Variants in RGS13 observed in about 807,000 individuals in gnomAD.
RGS13 encodes regulator of G-protein signalling 13.
In RGS13, 14 loss-of-function variants were observed where a neutral mutation model predicts 19.9. That is an observed-to-expected ratio of 0.70 (90% CI 0.46 to 1.10). The LOEUF (loss-of-function observed/expected upper bound fraction) is 1.10, where lower values mean the gene tolerates loss of function less well. Ranked by LOEUF, RGS13 falls within the 50% of genes least tolerant of loss-of-function variation. The pLI is 0.00. For missense variants in RGS13, 205 were observed against 187.1 expected (o/e 1.10, Z -0.56); for synonymous variants, 60 against 56.8 (o/e 1.06, Z -0.25).
At chr1:192,640,740 T>C (rs1490990751) in intron 3 of RGS13, among the ~76,000 whole-genome samples, 1 of 152,106 alleles carries the variant, frequency 6.6e-6, no homozygotes, top group Non-Finnish European at 1.5e-5. Flanking sequence ...TATGTTCTTA[T>C]CTCCAAACCT....
At chr1:192,654,897 T>C (rs1663407680) in intron 5 of RGS13, among the ~76,000 whole-genome samples, 1 of 151,994 alleles carries the variant, frequency 6.6e-6, no homozygotes, top group Non-Finnish European at 1.5e-5. Context: ...ACATAAGCCA[T>C]TTCTTCCATC....
intron 5 of RGS13, among the ~76,000 whole-genome samples, chr1:192,652,022 C>T (rs528836664): frequency 3.3e-5 from 5 of 152,152 alleles, no homozygotes; most frequent in African/African-American, 7.2e-5. Context: ...CCAGCACACA[C>T]GCAGAGCAGA....
rs968936819 is a variant in RGS13, at chr1:192,640,171, T to C, written c.-5+1968T>C. 4.6e-5 allele frequency among the ~76,000 whole-genome samples: 7 copies of C among 152,128 alleles called. 1 individual carries two copies. In the South Asian group the frequency reaches 6.2e-4, roughly 13 times the overall value. The stretch of plus-strand genomic sequence containing the variant: ...GAAGACATGTGAAGGAAGTAAATTT[T>C]TTCCTATCCTCCTACTTAGAAGATA... On this transcript the variant is annotated intron_variant, in intron 3 of 6. Transcript: ENST00000391995.
chr1:192,656,075 C>A (rs951956693), intron 5 of RGS13, among the ~76,000 whole-genome samples: 1 of 152,030 alleles, frequency 6.6e-6, no homozygotes, highest in Non-Finnish European at 1.5e-5. Context: ...AAATGATAAC[C>A]TATAAACATT....
intron 3 of RGS13, among the ~76,000 whole-genome samples, chr1:192,640,584 C>T (rs748732062): frequency 3.9e-5 from 6 of 152,122 alleles, no homozygotes; most frequent in Non-Finnish European, 2.9e-5. Flanking sequence ...TATTTGCAAT[C>T]GGAAGAGTCC....
At chr1:192,636,736 C>A (rs1663024524) in intron 1 of RGS13, among the ~76,000 whole-genome samples, 1 of 151,794 alleles carries the variant, frequency 6.6e-6, no homozygotes, top group Non-Finnish European at 1.5e-5. Context: ...GTACTGAAGC[C>A]AGGTGTGGAT....
intron 5 of RGS13, among the ~76,000 whole-genome samples, chr1:192,655,086 A>G (rs1036043614): frequency 2.0e-5 from 3 of 152,106 alleles, no homozygotes; most frequent in African/African-American, 7.2e-5. Flanking sequence ...GTATGAATCA[A>G]TCGAAATTCT....
At chr1:192,655,788 A>G (rs1245673847) in intron 5 of RGS13, among the ~76,000 whole-genome samples, 1 of 152,112 alleles carries the variant, frequency 6.6e-6, no homozygotes, top group Non-Finnish European at 1.5e-5. Flanking sequence ...TGCAGTATAT[A>G]TAGAATAATA....
chr1:192,655,603 C>T (rs1408454934), intron 5 of RGS13, among the ~76,000 whole-genome samples: 23 of 151,964 alleles, frequency 1.5e-4, no homozygotes, highest in Admixed American at 1.5e-3. Flanking sequence ...AGTTCAATGG[C>T]CAATGCTGAC....
At chr1:192,638,106 G>C (rs949602989) in intron 2 of RGS13, 58 bp from the exon 3 acceptor site, 2 of 151,848 alleles carry the variant, frequency 1.3e-5, no homozygotes, top group South Asian at 2.1e-4. Context: ...TTAAACCAAT[G>C]GTTATTTTGC....
At chr1:192,655,463 A>G (rs1329535803) in intron 5 of RGS13, among the ~76,000 whole-genome samples, 1 of 152,092 alleles carries the variant, frequency 6.6e-6, no homozygotes, top group Non-Finnish European at 1.5e-5. Flanking sequence ...CTAAAGGAGC[A>G]GCTCTTTTCT....
chr1:192,659,647 C>T lies in RGS13; in HGVS notation c.*124C>T, dbSNP rs1219595571. On this transcript the variant is annotated 3_prime_UTR_variant, in exon 7 of 7. Transcript: ENST00000391995. Reference sequence around the variant, plus strand: ...AAACAGAAATCAAACTATAAGTTGACTTTTAGTTCCTAAAAAGAAACATAT... The same window carrying T: ...AAACAGAAATCAAACTATAAGTTGATTTTTAGTTCCTAAAAAGAAACATAT... 3 of 671,938 alleles carry T rather than the reference C, an allele frequency of 4.5e-6. No individual in the cohort carries two copies. Among genetic ancestry groups the T allele is most frequent in the Non-Finnish European group, 7.5e-6 (3 of 399,300 alleles). The allele number at this position is 671,938 out of a possible 1,614,324, so 41.6% of individuals were successfully genotyped here.
chr1:192,651,972 A>G (rs1663346700), intron 5 of RGS13, among the ~76,000 whole-genome samples: 1 of 152,014 alleles, frequency 6.6e-6, no homozygotes, highest in Non-Finnish European at 1.5e-5. Context: ...CAAATGCGAG[A>G]CCACAGTTGT....
At chr1:192,657,815 A>G (rs1663469914) in intron 5 of RGS13, among the ~76,000 whole-genome samples, 1 of 152,000 alleles carries the variant, frequency 6.6e-6, no homozygotes, top group Admixed American at 6.6e-5. Context: ...CTCTTACCCT[A>G]CAGTTTGGCA....
intron 5 of RGS13, among the ~76,000 whole-genome samples, chr1:192,655,449 C>T (rs944091223): frequency 6.6e-6 from 1 of 152,078 alleles, no homozygotes; most frequent in Non-Finnish European, 1.5e-5. Flanking sequence ...TTCCAGCCTT[C>T]GGGCTAAAGG....
intron 5 of RGS13, among the ~76,000 whole-genome samples, chr1:192,657,889 G>A (rs1005949935): frequency 1.3e-5 from 2 of 152,104 alleles, no homozygotes; most frequent in Non-Finnish European, 2.9e-5. Flanking sequence ...AGCAGCTTAA[G>A]TCCTTTTCCT....
chr1:192,649,040 G>C (rs149716798), intron 5 of RGS13, among the ~76,000 whole-genome samples: 1 of 152,030 alleles, frequency 6.6e-6, no homozygotes, highest in Non-Finnish European at 1.5e-5. Flanking sequence ...CCATTCTGGC[G>C]CTTACTTCTG....
At chr1:192,643,770 T>A (rs1663167101) in intron 3 of RGS13, among the ~76,000 whole-genome samples, 1 of 151,964 alleles carries the variant, frequency 6.6e-6, no homozygotes. Context: ...GGCAATGTGG[T>A]GAAACCCCTT....
rs544372199 is a variant in RGS13, at chr1:192,655,993, G to T, written c.128-2208G>T. ...AGAACCATTTGGCCAGCCCAAAAAA[G>T]AAACAGGGATACTTCTTCCAATCCA... On this transcript the variant is annotated intron_variant, in intron 5 of 6. Coordinates refer to ENST00000391995, the MANE Select transcript of RGS13 (RefSeq NM_002927.5). 1.2e-4 allele frequency among the ~76,000 whole-genome samples: 19 copies of T among 152,166 alleles called. No homozygotes were observed. In the South Asian group the frequency reaches 2.5e-3, roughly 20 times the overall value.
Sources: allele counts gnomAD v4.1 joint callset (sites outside exome capture counted in the v4.1 genomes callset), GRCh38; gene constraint gnomAD v4.1.1; transcripts MANE v1.5; gene names NCBI Gene and HGNC (gene_info 2026-07-23, HGNC 2026-07-21).